ASIC2: variants seen among roughly 807,000 people sequenced by gnomAD.
ASIC2 encodes acid-sensing ion channel 2.
Under a neutral mutation model 57.3 loss-of-function variants are expected in ASIC2, and 25 were observed. The observed-to-expected ratio is 0.44, with a 90% CI of 0.32 to 0.61. The LOEUF is 0.61. Ranked by LOEUF, ASIC2 falls within the 20% of genes least tolerant of loss-of-function variation. The pLI, the probability that ASIC2 is intolerant of heterozygous loss-of-function variation, is 0.06. For synonymous variants in ASIC2, 319 were observed against 307.5 expected (o/e 1.04, Z -0.39); for missense variants, 641 against 738.1 (o/e 0.87, Z 1.52).
In ASIC2 at chr17:33,292,648, G is replaced by A; in HGVS notation, c.-533C>T. 1.0e-6 allele frequency: 1 copy of A among 985,678 alleles called. No individual in the cohort carries two copies. Among genetic ancestry groups the A allele is most frequent in the Non-Finnish European group, 1.2e-6 (1 of 830,126 alleles). The allele number at this position is 985,678 out of a possible 1,614,324, so 61.1% of individuals were successfully genotyped here. On this transcript the variant is annotated 5_prime_UTR_variant, in exon 1 of 10. Coordinates refer to ENST00000225823, the MANE Select transcript of ASIC2 (RefSeq NM_183377.2). The stretch of plus-strand genomic sequence containing the variant: ...CCGTAGCCCAGCGGTGCTGGGACAC[G>A]GGAGAGAAGGCGCCAAGGAACGAGC...
intron 1 of ASIC2, among the ~76,000 whole-genome samples, chr17:33,449,333 G>A (rs1434510343): frequency 1.3e-5 from 2 of 152,256 alleles, no homozygotes; most frequent in Admixed American, 6.5e-5. Context: ...CCTACTCTCT[G>A]GCAGTCAAGA....
At chr17:33,187,911 A>AAAAAAAAG (rs931909553) in intron 1 of ASIC2, among the ~76,000 whole-genome samples, 1 of 151,460 alleles carries the variant, frequency 6.6e-6, no homozygotes, top group Non-Finnish European at 1.5e-5. Flanking sequence ...GGATGAAAAA[A>AAAAAAAAG]AAAAAAAGAA....
chr17:33,312,837 G>A (rs1386965459), intron 1 of ASIC2, among the ~76,000 whole-genome samples: 3 of 152,156 alleles, frequency 2.0e-5, no homozygotes, highest in Non-Finnish European at 2.9e-5. Flanking sequence ...TCGGGAAGCC[G>A]AGGCAGGAGA....
intron 1 of ASIC2, chr17:34,039,866 C>T: frequency 6.2e-7 from 1 of 1,604,032 alleles, no homozygotes; most frequent in Non-Finnish European, 8.5e-7. Flanking sequence ...TGCAATTCTT[C>T]CATCATTTCT....
intron 1 of ASIC2, among the ~76,000 whole-genome samples, chr17:33,555,500 C>G (rs1352158344): frequency 1.3e-5 from 2 of 151,962 alleles, no homozygotes; most frequent in Non-Finnish European, 2.9e-5. Flanking sequence ...TCTAGAAAGA[C>G]AGGAAATGAA....
intron 1 of ASIC2, among the ~76,000 whole-genome samples, chr17:33,965,731 A>G (rs1413538648): frequency 6.6e-6 from 1 of 152,218 alleles, no homozygotes; most frequent in African/African-American, 2.4e-5. Flanking sequence ...ATCAATTCCC[A>G]GGCAGATTGG....
chr17:34,046,299 A>G (rs1908333337), intron 1 of ASIC2, among the ~76,000 whole-genome samples: 1 of 152,214 alleles, frequency 6.6e-6, no homozygotes, highest in Non-Finnish European at 1.5e-5. Flanking sequence ...GCAACAGATA[A>G]CCAAAACAGG....
In ASIC2 at chr17:33,662,668, T is replaced by TAAATAAATAAATACATAAAA. The variant is rs530248877; in HGVS notation, c.555+493309_555+493310insTTTTATGTATTTATTTATTT. On this transcript the variant is annotated intron_variant, in intron 1 of 9. Coordinates refer to the ASIC2 transcript ENST00000359872. Reference sequence around the variant, plus strand: ...ATAAATAAATAAATAAATAAATAAATAAGTAAAATAAAAAATGAAGTAAGT... The same window carrying TAAATAAATAAATACATAAAA: ...ATAAATAAATAAATAAATAAATAAATAAATAAATAAATACATAAAAAAGTAAAATAAAAAATGAAGTAAGT... Among the ~76,000 whole-genome samples the TAAATAAATAAATACATAAAA allele has an allele frequency of 3.1e-5, 4 of 128,054 alleles. No individual in the cohort carries two copies. In the East Asian group the frequency reaches 6.1e-4, roughly 20 times the overall value. 84.0% of individuals were successfully genotyped at this position (128,054 alleles called of 152,430 possible).
At chr17:33,755,397 G>A (rs577958983) in intron 1 of ASIC2, among the ~76,000 whole-genome samples, 1 of 152,326 alleles carries the variant, frequency 6.6e-6, no homozygotes, top group African/African-American at 2.4e-5. Flanking sequence ...AGTTCCTGAT[G>A]TGTTACAATA....
intron 1 of ASIC2, among the ~76,000 whole-genome samples, chr17:33,254,983 G>A (rs534796365): frequency 2.9e-4 from 41 of 141,540 alleles, no homozygotes; most frequent in African/African-American, 1.0e-3. Context: ...CATTTTATAT[G>A]ATTATCTAAT....
intron 1 of ASIC2, among the ~76,000 whole-genome samples, chr17:33,999,125 C>A (rs1188440558): frequency 1.3e-5 from 2 of 152,122 alleles, no homozygotes; most frequent in Non-Finnish European, 2.9e-5. Flanking sequence ...CCTTCTTCAT[C>A]TCTTGCAACC....
chr17:33,779,733 A>C (rs1911389914), intron 1 of ASIC2, among the ~76,000 whole-genome samples: 1 of 152,192 alleles, frequency 6.6e-6, no homozygotes, highest in Non-Finnish European at 1.5e-5. Context: ...CAACAGCAAA[A>C]CAACAGCAGC....
intron 1 of ASIC2, among the ~76,000 whole-genome samples, chr17:33,555,139 A>G (rs1314481706): frequency 1.3e-5 from 2 of 152,136 alleles, no homozygotes. Flanking sequence ...TGTCTCAGAA[A>G]GTTATGGGCA....
intron 1 of ASIC2, among the ~76,000 whole-genome samples, chr17:33,254,561 C>T (rs760365561): frequency 6.6e-6 from 1 of 152,064 alleles, no homozygotes; most frequent in African/African-American, 2.4e-5. Flanking sequence ...CAGTTTTTGC[C>T]CATAGCCTGG....
At chr17:34,022,107 G>A (rs573194347) in intron 1 of ASIC2, among the ~76,000 whole-genome samples, 174 of 152,272 alleles carry the variant, frequency 1.1e-3, no homozygotes, top group Non-Finnish European at 1.3e-3. Flanking sequence ...AAAGTGGGGG[G>A]TTGGTATTTT....
chr17:33,147,814 C>A (rs897591325), intron 1 of ASIC2, among the ~76,000 whole-genome samples: 1 of 152,290 alleles, frequency 6.6e-6, no homozygotes, highest in East Asian at 1.9e-4. Flanking sequence ...TTGCAACAAG[C>A]CTGTGGACCC....
At chr17:33,710,599 C>T (rs372237976) in intron 1 of ASIC2, among the ~76,000 whole-genome samples, 14 of 152,250 alleles carry the variant, frequency 9.2e-5, no homozygotes, top group African/African-American at 2.9e-4. Flanking sequence ...TTTACTTTTA[C>T]TTTGTTTCTG....
At chr17:33,567,006 A>C (rs981048898) in intron 1 of ASIC2, among the ~76,000 whole-genome samples, 1 of 152,160 alleles carries the variant, frequency 6.6e-6, no homozygotes, top group Non-Finnish European at 1.5e-5. Context: ...CTGTAGCTCC[A>C]TGATTCTTTC....
chr17:33,142,870 C>T (rs1465414395), intron 1 of ASIC2, among the ~76,000 whole-genome samples: 1 of 152,194 alleles, frequency 6.6e-6, no homozygotes, highest in African/African-American at 2.4e-5. Flanking sequence ...TGGTAAATTT[C>T]CTTGAGTGGT....
Sources: gnomAD v4.1 joint callset for allele counts (sites outside exome capture counted in the v4.1 genomes callset) on GRCh38, gnomAD v4.1.1 for gene constraint, MANE v1.5 for transcripts, NCBI Gene and HGNC (gene_info 2026-07-23, HGNC 2026-07-21) for gene names.